Variants in DACH2 observed in about 807,000 individuals in gnomAD.
The protein encoded by DACH2 is dachshund homolog 2.
In DACH2, 17 loss-of-function variants were observed where a neutral mutation model predicts 35.8. That is an observed-to-expected ratio of 0.48 (90% CI 0.33 to 0.71). The LOEUF is 0.71. Ranked by LOEUF, DACH2 falls within the 30% of genes least tolerant of loss-of-function variation. The pLI, the probability that DACH2 is intolerant of heterozygous loss-of-function variation, is 0.02. For missense variants in DACH2, 469 were observed against 472.7 expected (o/e 0.99, Z 0.07); for synonymous variants, 195 against 177.3 (o/e 1.10, Z -0.79).
chrX:86,290,244 C>G (rs1602362709), intron 1 of DACH2, among the ~76,000 whole-genome samples: 1 of 64,298 alleles, frequency 1.6e-5, no homozygotes, highest in African/African-American at 6.9e-5. Flanking sequence ...CTGTTCATGT[C>G]CTTTGCCCAA....
chrX:86,516,197 A>G (rs1457136655), intron 3 of DACH2, among the ~76,000 whole-genome samples: 1 of 112,046 alleles, frequency 8.9e-6, no homozygotes, highest in Non-Finnish European at 1.9e-5. Flanking sequence ...GCATAACAAC[A>G]TCTGAAATAT....
At chrX:86,373,868 A>G (rs1484010870) in intron 1 of DACH2, among the ~76,000 whole-genome samples, 1 of 111,819 alleles carries the variant, frequency 8.9e-6, no homozygotes, top group Non-Finnish European at 1.9e-5. Flanking sequence ...CTGTATCTTT[A>G]AAATGCTCTG....
intron 1 of DACH2, among the ~76,000 whole-genome samples, chrX:86,233,904 A>G (rs1042623204): frequency 9.8e-5 from 11 of 112,075 alleles, no homozygotes; most frequent in African/African-American, 3.6e-4. Flanking sequence ...TGTGACTCAA[A>G]TAATCTCCTA....
At chrX:86,259,640 G>A (rs767468023) in intron 1 of DACH2, among the ~76,000 whole-genome samples, 9 of 111,882 alleles carry the variant, frequency 8.0e-5, no homozygotes, top group Non-Finnish European at 1.1e-4. Context: ...AAGAGTAGGG[G>A]AGGAGATAAA....
At chrX:86,667,358 A>AAGGAAGGAAGGAAGGAAGGAAGGAAGG (rs1569463455) in intron 4 of DACH2, among the ~76,000 whole-genome samples, 1 of 53,220 alleles carries the variant, frequency 1.9e-5, no homozygotes, top group African/African-American at 7.3e-5. Flanking sequence ...AGGAAGGAAG[A>AAGGAAGGAAGGAAGGAAGGAAGGAAGG]GGAAGGGAAG....
At chrX:86,571,954 C>A (rs998299129) in intron 3 of DACH2, among the ~76,000 whole-genome samples, 11 of 110,574 alleles carry the variant, frequency 9.9e-5, no homozygotes, top group Non-Finnish European at 2.1e-4. Flanking sequence ...TTTTAGGGTA[C>A]AAAACTTGCA....
chrX:86,399,222 T>C (rs1460326416), intron 2 of DACH2, among the ~76,000 whole-genome samples: 1 of 111,754 alleles, frequency 8.9e-6, no homozygotes, highest in East Asian at 2.8e-4. Flanking sequence ...TTTTTTGTTT[T>C]CCATTTGCTT....
intron 1 of DACH2, among the ~76,000 whole-genome samples, chrX:86,250,063 G>A (rs1343959234): frequency 9.0e-6 from 1 of 111,171 alleles, no homozygotes; most frequent in Non-Finnish European, 1.9e-5. Flanking sequence ...GGTGGAGGGA[G>A]GGAGGAGGGT....
At chrX:86,348,860 T>C (rs1052868290) in intron 1 of DACH2, among the ~76,000 whole-genome samples, 35 of 112,443 alleles carry the variant, frequency 3.1e-4, no homozygotes, top group African/African-American at 1.1e-3. Flanking sequence ...GGTGTCCCGC[T>C]GCTCATAACC....
chrX:86,461,355 A>G (rs1314888670), intron 2 of DACH2, among the ~76,000 whole-genome samples: 1 of 111,671 alleles, frequency 9.0e-6, no homozygotes, highest in African/African-American at 3.2e-5. Flanking sequence ...TGTTCAACAA[A>G]ATAGGATCAG....
At chrX:86,667,499 G>GAAAGAAAGAA (rs1220659719) in intron 4 of DACH2, among the ~76,000 whole-genome samples, 1 of 42,244 alleles carries the variant, frequency 2.4e-5, no homozygotes, top group Non-Finnish European at 4.3e-5. Context: ...AAGAAAGAAA[G>GAAAGAAAGAA]AGAAAGAAAG....
intron 7 of DACH2, among the ~76,000 whole-genome samples, chrX:86,793,876 T>C (rs766349047): frequency 8.9e-6 from 1 of 112,193 alleles, no homozygotes; most frequent in Non-Finnish European, 1.9e-5. Context: ...ATGGTAACAT[T>C]GCAAGTTGGA....
intron 1 of DACH2, among the ~76,000 whole-genome samples, chrX:86,238,913 TGATAA>T (rs2033110494): frequency 9.0e-6 from 1 of 111,473 alleles, no homozygotes. Context: ...ATGTAAATCA[TGATAA>T]GATAATTCAG....
chrX:86,819,408 A>G (rs1359714628), intron 11 of DACH2, among the ~76,000 whole-genome samples: 2 of 110,867 alleles, frequency 1.8e-5, no homozygotes, highest in Non-Finnish European at 3.8e-5. Context: ...AAATAAACAT[A>G]CCGAGTGTCA....
chrX:86,535,227 T>A (rs578251425), intron 3 of DACH2, among the ~76,000 whole-genome samples: 1 of 111,998 alleles, frequency 8.9e-6, no homozygotes, highest in East Asian at 2.8e-4. Flanking sequence ...GTTACATGCC[T>A]GAAAATGAGA....
At chrX:86,740,040 A>G (rs1163646968) in intron 7 of DACH2, among the ~76,000 whole-genome samples, 158 bp downstream of exon 7, 2 of 112,123 alleles carry the variant, frequency 1.8e-5, no homozygotes, top group Non-Finnish European at 3.8e-5. Flanking sequence ...AAACAATATG[A>G]CTAACAAAAT....
At chrX:86,538,798 T>C (rs902607040) in intron 3 of DACH2, among the ~76,000 whole-genome samples, 1 of 111,904 alleles carries the variant, frequency 8.9e-6, no homozygotes, top group Non-Finnish European at 1.9e-5. Flanking sequence ...ACATGCTTTT[T>C]GGGAGACATA....
intron 11 of DACH2, among the ~76,000 whole-genome samples, chrX:86,822,758 G>A (rs750974186): frequency 9.0e-6 from 1 of 111,187 alleles, no homozygotes; most frequent in South Asian, 3.8e-4. Flanking sequence ...AATCACCTCT[G>A]TTTTTAAAAG....
At chrX:86,629,295 T>A (rs1247661085) in intron 3 of DACH2, among the ~76,000 whole-genome samples, 1 of 111,145 alleles carries the variant, frequency 9.0e-6, no homozygotes, top group Non-Finnish European at 1.9e-5. Context: ...CACAATGGTA[T>A]TTGCTGGTCA....
Sources: gnomAD v4.1 joint callset for allele counts (sites outside exome capture counted in the v4.1 genomes callset) on GRCh38, gnomAD v4.1.1 for gene constraint, MANE v1.5 for transcripts, NCBI Gene and HGNC (gene_info 2026-07-23, HGNC 2026-07-21) for gene names.